The following PROS1 variants were observed in gnomAD, a reference collection of about 807,000 sequenced individuals.
PROS1 encodes protein S, also known as vitamin K-dependent protein S.
In PROS1, 29 loss-of-function variants were observed where a neutral mutation model predicts 75.9. That is an observed-to-expected ratio of 0.38 (90% confidence interval 0.28 to 0.52). PROS1 has a LOEUF of 0.52. Ranked by LOEUF, PROS1 falls within the 20% of genes least tolerant of loss-of-function variation. The probability of loss-of-function intolerance (pLI) is 0.83; values close to 1 mark genes in which losing one functional copy is unlikely to be tolerated. For synonymous variants in PROS1, 245 were observed against 280.6 expected, an observed-to-expected ratio of 0.87 and a Z score of 1.27; for missense variants, 680 against 810.3, an observed-to-expected ratio of 0.84 and a Z score of 1.95.
intron 10 of PROS1, among the ~76,000 whole-genome samples, chr3:93,886,834 C>G (rs1708355230): frequency 6.6e-6 from 1 of 151,434 alleles, no homozygotes; most frequent in African/African-American, 2.4e-5. Flanking sequence ...GCCATTCTAT[C>G]TTAGGAAAAA....
intron 3 of PROS1, among the ~76,000 whole-genome samples, chr3:93,921,613 T>C (rs1458489966): frequency 2.0e-5 from 3 of 152,214 alleles, no homozygotes; most frequent in Non-Finnish European, 2.9e-5. Flanking sequence ...ATTACAGATA[T>C]TTTATGTTTT....
intron 11 of PROS1, 32 bp from the exon 12 acceptor site, chr3:93,884,928 A>G (rs1169796358): frequency 6.3e-7 from 1 of 1,589,608 alleles, no homozygotes; most frequent in Admixed American, 1.7e-5. Context: ...CAAGGAGTGC[A>G]TTTTAAACTT....
chr3:93,874,918 C>T (rs1054025345), intron 14 of PROS1, among the ~76,000 whole-genome samples: 2 of 152,052 alleles, frequency 1.3e-5, no homozygotes, highest in Non-Finnish European at 2.9e-5. Flanking sequence ...GGTCATGATA[C>T]AGGATTCACT....
intron 1 of PROS1, among the ~76,000 whole-genome samples, chr3:93,946,560 A>T (rs987445040): frequency 1.3e-5 from 2 of 152,198 alleles, no homozygotes; most frequent in Non-Finnish European, 2.9e-5. Context: ...TGGGGAAAGG[A>T]TTCCCTATTT....
intron 9 of PROS1, among the ~76,000 whole-genome samples, chr3:93,896,169 C>T (rs1708498795): frequency 6.6e-6 from 1 of 151,948 alleles, no homozygotes; most frequent in African/African-American, 2.4e-5. Context: ...TAAATTTTTT[C>T]CTTAATAATT....
chr3:93,958,557 A>G (rs1176310561), intron 1 of PROS1: 2 of 152,172 alleles, frequency 1.3e-5, no homozygotes, highest in Non-Finnish European at 2.9e-5. Flanking sequence ...TGTACTTGAT[A>G]TGGTTTGGCT....
intron 9 of PROS1, among the ~76,000 whole-genome samples, chr3:93,894,985 T>G (rs1377116727): frequency 6.6e-6 from 1 of 152,154 alleles, no homozygotes; most frequent in Admixed American, 6.5e-5. Context: ...TCCTGGAGAT[T>G]GGCTCCAGGA....
intron 12 of PROS1, among the ~76,000 whole-genome samples, chr3:93,881,745 A>C (rs1576174351): frequency 2.0e-5 from 3 of 151,994 alleles, no homozygotes; most frequent in Admixed American, 1.3e-4. Context: ...TTTTTTGTGA[A>C]GATAGGGTTT....
chr3:93,896,362 G>T (rs1171579517), intron 9 of PROS1, among the ~76,000 whole-genome samples: 1 of 152,136 alleles, frequency 6.6e-6, no homozygotes, highest in African/African-American at 2.4e-5. Flanking sequence ...ATTGGGGAAA[G>T]TCAGCCTAGA....
At chr3:93,944,264 G>A (rs1293976519) in intron 1 of PROS1, among the ~76,000 whole-genome samples, 1 of 151,224 alleles carries the variant, frequency 6.6e-6, no homozygotes, top group East Asian at 1.9e-4. Flanking sequence ...GTTTATATAT[G>A]AAAACACAAC....
chr3:93,883,919 C>T (rs1479282739), intron 12 of PROS1, among the ~76,000 whole-genome samples: 1 of 152,112 alleles, frequency 6.6e-6, no homozygotes, highest in Admixed American at 6.5e-5. Flanking sequence ...CACTGCACCC[C>T]AGCCTGGGTG....
chr3:93,906,593 C>T (rs951132494), intron 4 of PROS1, among the ~76,000 whole-genome samples: 6 of 152,216 alleles, frequency 3.9e-5, no homozygotes, highest in African/African-American at 1.4e-4. Context: ...CTGCACGTGC[C>T]ATGGAGCTGG....
chr3:93,892,895 T>C (rs1334730324), intron 10 of PROS1, 38 bp downstream of exon 10: 1 of 1,581,838 alleles, frequency 6.3e-7, no homozygotes, highest in Non-Finnish European at 8.7e-7. Context: ...ACAGACTGCA[T>C]CAAAGTGGGA....
chr3:93,939,653 C>T (rs369203656), intron 1 of PROS1, among the ~76,000 whole-genome samples: 37 of 152,234 alleles, frequency 2.4e-4, no homozygotes, highest in Middle Eastern at 3.4e-3. Context: ...TTTTCTTTAT[C>T]TGACCTCTCC....
chr3:93,973,451 T>C (rs139368287), intron 1 of PROS1: 1 of 590,846 alleles, frequency 1.7e-6, no homozygotes, highest in South Asian at 2.0e-5. Flanking sequence ...CTTAGATCTG[T>C]CCTGTAGGCA....
At chr3:93,955,319 A>C (rs1709581577) in intron 1 of PROS1, among the ~76,000 whole-genome samples, 1 of 152,216 alleles carries the variant, frequency 6.6e-6, no homozygotes, top group Non-Finnish European at 1.5e-5. Context: ...AAGACTTGGA[A>C]CCAACACAAA....
intron 10 of PROS1, among the ~76,000 whole-genome samples, 173 bp downstream of exon 10, chr3:93,892,756 TTAAG>T (rs1708451639): frequency 6.6e-6 from 1 of 152,132 alleles, no homozygotes; most frequent in African/African-American, 2.4e-5. Context: ...TTCTAATATA[TTAAG>T]TGAGAATATT....
At chr3:93,874,745 C>T (rs985331860) in intron 14 of PROS1, among the ~76,000 whole-genome samples, 1 of 152,058 alleles carries the variant, frequency 6.6e-6, no homozygotes, top group African/African-American at 2.4e-5. Flanking sequence ...TAAACTTAAG[C>T]AACAGTTTAA....
intron 1 of PROS1, among the ~76,000 whole-genome samples, chr3:93,949,022 T>C (rs1217582024): frequency 6.6e-6 from 1 of 152,216 alleles, no homozygotes; most frequent in African/African-American, 2.4e-5. Context: ...TAACAGTTCA[T>C]GGAACATGTG....
Sources: allele counts gnomAD v4.1 joint callset (sites outside exome capture counted in the v4.1 genomes callset), GRCh38; gene constraint gnomAD v4.1.1; transcripts MANE v1.5; gene names NCBI Gene and HGNC (gene_info 2026-07-23, HGNC 2026-07-21).